ZNF469: variants seen among roughly 807,000 people sequenced by gnomAD.
ZNF469 encodes zinc finger protein 469.
A neutral mutation model predicts 1.0 loss-of-function variants in ZNF469; 1 was observed. The observed-to-expected ratio is 1.00, with a 90% CI of 0.35 to 4.73. The LOEUF is 4.73. ZNF469 is among the 30% of genes most tolerant of loss of function. The probability of loss-of-function intolerance (pLI) is 0.16; values close to 1 mark genes in which losing one functional copy is unlikely to be tolerated. For synonymous variants in ZNF469, 2,703 were observed against 2,363.4 expected (o/e 1.14, Z -4.17); for missense variants, 6,100 against 5,356.3 (o/e 1.14, Z -4.33).
chr16:88,198,804 G>A, the ZNF469 span, among the ~76,000 whole-genome samples: 1 of 152,218 alleles, frequency 6.6e-6, no homozygotes, highest in Non-Finnish European at 1.5e-5. Context: ...ATTAAAAAGA[G>A]AGCGATGGCT....
the ZNF469 span, among the ~76,000 whole-genome samples, chr16:88,323,284 C>T: frequency 2.6e-5 from 4 of 152,144 alleles, no homozygotes; most frequent in African/African-American, 4.8e-5. Context: ...GCTGGGGACA[C>T]GTGTCCCAGG....
the ZNF469 span, among the ~76,000 whole-genome samples, chr16:88,366,707 C>G: frequency 6.6e-6 from 1 of 151,484 alleles, no homozygotes; most frequent in Non-Finnish European, 1.5e-5. Context: ...ATCACCATCA[C>G]CATCATCATC....
chr16:88,160,675 C>T, the ZNF469 span, among the ~76,000 whole-genome samples: 1 of 152,200 alleles, frequency 6.6e-6, no homozygotes, highest in South Asian at 2.1e-4. Flanking sequence ...CACCACTGTG[C>T]CTCCCGCTGT....
At chr16:88,352,070 C>T in the ZNF469 span, among the ~76,000 whole-genome samples, 14 of 152,234 alleles carry the variant, frequency 9.2e-5, no homozygotes, top group East Asian at 2.7e-3. Context: ...CTAGGGAACA[C>T]CCGGAACAGG....
At chr16:88,327,401 C>T in the ZNF469 span, among the ~76,000 whole-genome samples, 3 of 152,256 alleles carry the variant, frequency 2.0e-5, no homozygotes, top group African/African-American at 7.2e-5. Context: ...CTTCCCTGGA[C>T]GAGGTGGGCT....
At chr16:88,189,716 T>G in the ZNF469 span, among the ~76,000 whole-genome samples, 8 of 152,208 alleles carry the variant, frequency 5.3e-5, no homozygotes, top group Admixed American at 1.3e-4. The surrounding 1 kb of genome is among the most constrained non-coding windows in gnomAD (Gnocchi z 4.3). Flanking sequence ...GGTCAGGAGT[T>G]GGAGACCAGC....
chr16:88,412,870 G>A (rs1371237699), intron 1 of ZNF469, among the ~76,000 whole-genome samples: 3 of 152,146 alleles, frequency 2.0e-5, no homozygotes, highest in Non-Finnish European at 2.9e-5. Flanking sequence ...TTTAAAACCT[G>A]GATTTCTCAA....
At chr16:88,205,675 G>A in the ZNF469 span, among the ~76,000 whole-genome samples, 14 of 152,268 alleles carry the variant, frequency 9.2e-5, no homozygotes, top group African/African-American at 2.6e-4. This position sits in a 1 kb window ranked among gnomAD's most constrained non-coding sequence, Gnocchi z 4.2. Context: ...ATGCGGAACC[G>A]GCTCCCAAAC....
the ZNF469 span, among the ~76,000 whole-genome samples, chr16:88,303,676 C>T: frequency 7.2e-5 from 11 of 152,212 alleles, no homozygotes; most frequent in Non-Finnish European, 1.2e-4. Flanking sequence ...CTCTTCCTAC[C>T]TTGTCCTCCC....
chr16:88,256,031 T>C, the ZNF469 span, among the ~76,000 whole-genome samples: 61 of 152,340 alleles, frequency 4.0e-4, 1 homozygote, highest in Middle Eastern at 6.8e-3. Flanking sequence ...ATGGGGAACT[T>C]TAAAACGGTG....
the ZNF469 span, among the ~76,000 whole-genome samples, chr16:88,163,487 AGGATGGATGAATGGATGGATGGAT>A: frequency 7.2e-6 from 1 of 139,098 alleles, no homozygotes; most frequent in Non-Finnish European, 1.6e-5. Context: ...TGGACAGAGA[AGGATGGATGAATGGATGGATGGAT>A]GGATGGATGG....
the ZNF469 span, among the ~76,000 whole-genome samples, chr16:88,240,015 T>C: frequency 6.6e-6 from 1 of 150,474 alleles, no homozygotes; most frequent in African/African-American, 2.5e-5. Context: ...GTGGAGGGGC[T>C]GCTGCTCTGG....
chr16:88,327,807 C>T, the ZNF469 span, among the ~76,000 whole-genome samples: 1 of 152,238 alleles, frequency 6.6e-6, no homozygotes. Flanking sequence ...GTGGTCGGAG[C>T]TGACTAGGCC....
the ZNF469 span, among the ~76,000 whole-genome samples, chr16:88,256,436 T>G: frequency 1.3e-5 from 2 of 152,258 alleles, no homozygotes; most frequent in Non-Finnish European, 2.9e-5. Context: ...GGACCATAGT[T>G]TATTATCCAT....
the ZNF469 span, among the ~76,000 whole-genome samples, chr16:88,345,628 G>A: frequency 5.3e-5 from 8 of 152,208 alleles, no homozygotes; most frequent in East Asian, 5.8e-4. Context: ...CCGTGGGGTC[G>A]CCACGGGGTC....
At chr16:88,234,456 G>A in the ZNF469 span, among the ~76,000 whole-genome samples, 49 of 152,382 alleles carry the variant, frequency 3.2e-4, no homozygotes, top group African/African-American at 1.2e-3. Context: ...GACGAAGCCA[G>A]GGAGGGGAAC....
intron 1 of ZNF469, among the ~76,000 whole-genome samples, chr16:88,397,667 T>C (rs1904729617): frequency 6.7e-6 from 1 of 148,586 alleles, no homozygotes; most frequent in South Asian, 2.1e-4. Context: ...GATAGATAGA[T>C]AGATAGATAG....
the ZNF469 span, among the ~76,000 whole-genome samples, chr16:88,189,368 T>TG: frequency 2.0e-5 from 3 of 152,068 alleles, no homozygotes; most frequent in African/African-American, 7.2e-5. This position sits in a 1 kb window ranked among gnomAD's most constrained non-coding sequence, Gnocchi z 4.3. Context: ...GGGTCTCTGA[T>TG]GGGGGGATGT....
At chr16:88,199,532 A>C in the ZNF469 span, among the ~76,000 whole-genome samples, 3 of 152,158 alleles carry the variant, frequency 2.0e-5, no homozygotes, top group African/African-American at 7.2e-5. Context: ...TGTTTGATGA[A>C]GGTGCCCTTG....
Sources: allele counts gnomAD v4.1 joint callset (sites outside exome capture counted in the v4.1 genomes callset), GRCh38; gene constraint gnomAD v4.1.1; non-coding constraint Gnocchi (gnomAD v3.1); transcripts MANE v1.5; gene names NCBI Gene and HGNC (gene_info 2026-07-23, HGNC 2026-07-21).